The following MINDY4 variants were observed in gnomAD, a reference collection of about 807,000 sequenced individuals.
The protein encoded by MINDY4 is MINDY lysine 48 deubiquitinase 4.
In MINDY4, 68 loss-of-function variants were observed where a neutral mutation model predicts 87.0. The observed-to-expected ratio is 0.78, with a 90% CI of 0.64 to 0.96. The LOEUF (loss-of-function observed/expected upper bound fraction) is 0.96, where lower values mean the gene tolerates loss of function less well. Ranked by LOEUF, MINDY4 falls within the 40% of genes least tolerant of loss-of-function variation. MINDY4 has a pLI of 0.00. For synonymous variants in MINDY4, 379 were observed against 363.2 expected, an observed-to-expected ratio of 1.04 and a Z score of -0.50; for missense variants, 919 against 928.2, an observed-to-expected ratio of 0.99 and a Z score of 0.13.
At chr7:30,793,662 C>T (rs967760011) in intron 5 of MINDY4, among the ~76,000 whole-genome samples, 1 of 152,110 alleles carries the variant, frequency 6.6e-6, no homozygotes, top group Non-Finnish European at 1.5e-5. Context: ...CTCAAGCCAG[C>T]CTCCCATCGT....
chr7:30,817,646 C>T (rs992985847), intron 5 of MINDY4, among the ~76,000 whole-genome samples: 2 of 152,072 alleles, frequency 1.3e-5, no homozygotes, highest in African/African-American at 2.4e-5. Context: ...GTCTGAAAAG[C>T]GGAAGCCCGG....
At chr7:30,802,870 ACCAACCAT>A (rs1391595903) in intron 5 of MINDY4, among the ~76,000 whole-genome samples, 3 of 151,766 alleles carry the variant, frequency 2.0e-5, no homozygotes, top group Non-Finnish European at 4.4e-5. Flanking sequence ...AACCAACCCA[ACCAACCAT>A]CCAACCATCC....
intron 17 of MINDY4, among the ~76,000 whole-genome samples, chr7:30,883,580 G>A (rs915823201): frequency 9.9e-5 from 15 of 152,220 alleles, no homozygotes; most frequent in East Asian, 3.8e-4. Context: ...GGCCAGGGGA[G>A]GGGAATGTTC....
At chr7:30,835,185 T>C (rs1327885827) in intron 6 of MINDY4, among the ~76,000 whole-genome samples, 1 of 152,208 alleles carries the variant, frequency 6.6e-6, no homozygotes, top group East Asian at 1.9e-4. Flanking sequence ...AGAAAGTTTA[T>C]TGGACTTTAA....
intron 5 of MINDY4, among the ~76,000 whole-genome samples, chr7:30,825,442 A>G (rs897132770): frequency 2.6e-5 from 4 of 152,216 alleles, no homozygotes; most frequent in Non-Finnish European, 5.9e-5. Flanking sequence ...CATTCCCACC[A>G]TCTCAGCGGG....
intron 5 of MINDY4, among the ~76,000 whole-genome samples, chr7:30,824,748 A>AT (rs763393021): frequency 4.1e-4 from 62 of 152,176 alleles, no homozygotes; most frequent in Admixed American, 1.6e-3. Context: ...TAATTTATTT[A>AT]TTTTTTGTGG....
At chr7:30,784,131 A>G (rs1056043369) in intron 3 of MINDY4, among the ~76,000 whole-genome samples, 3 of 140,472 alleles carry the variant, frequency 2.1e-5, no homozygotes. Flanking sequence ...ACAAGGATTC[A>G]GAGGTGGAGG....
chr7:30,799,052 G>A (rs1787576004), intron 5 of MINDY4, among the ~76,000 whole-genome samples: 1 of 152,110 alleles, frequency 6.6e-6, no homozygotes, highest in African/African-American at 2.4e-5. Flanking sequence ...GTAAAAGCAA[G>A]TCCCCATCTT....
At chr7:30,820,561 G>A (rs1320778689) in intron 5 of MINDY4, among the ~76,000 whole-genome samples, 1 of 152,126 alleles carries the variant, frequency 6.6e-6, no homozygotes, top group Non-Finnish European at 1.5e-5. Flanking sequence ...CTACCGATCT[G>A]TGATATTTCA....
intron 5 of MINDY4, among the ~76,000 whole-genome samples, chr7:30,804,700 G>A (rs1787755385): frequency 6.6e-6 from 1 of 152,194 alleles, no homozygotes. Context: ...AATCCTGACA[G>A]CAACTTTACA....
At chr7:30,774,310 T>G (rs1786738005) in intron 1 of MINDY4, among the ~76,000 whole-genome samples, 1 of 152,218 alleles carries the variant, frequency 6.6e-6, no homozygotes, top group Non-Finnish European at 1.5e-5. Context: ...CTCTCTTTAG[T>G]GTTCTTGTGG....
chr7:30,829,390 G>A lies in MINDY4; in HGVS notation c.1132+653G>A, dbSNP rs143641582. 2.0e-4 allele frequency among the ~76,000 whole-genome samples: 31 copies of A among 152,358 alleles called. No individual in the cohort carries two copies. In the East Asian group the frequency reaches 3.7e-3, roughly 18 times the overall value. Reference sequence around the variant, plus strand: ...CGGATGTTGAGACCAAGGACTGGCCGTGAGAGGATGAGGCTTGAGTGCTGC... The same window carrying A: ...CGGATGTTGAGACCAAGGACTGGCCATGAGAGGATGAGGCTTGAGTGCTGC... On this transcript the variant is annotated intron_variant, in intron 6 of 17. Coordinates refer to ENST00000265299, the MANE Select transcript of MINDY4 (RefSeq NM_032222.3).
At chr7:30,854,252 G>A (rs868795904) in intron 12 of MINDY4, among the ~76,000 whole-genome samples, 1 of 152,204 alleles carries the variant, frequency 6.6e-6, no homozygotes, top group Non-Finnish European at 1.5e-5. Context: ...TTCCTCATTT[G>A]TAAAATGTGG....
At chr7:30,881,786 G>A (rs186272332) in intron 15 of MINDY4, among the ~76,000 whole-genome samples, 2 of 152,212 alleles carry the variant, frequency 1.3e-5, no homozygotes, top group Admixed American at 6.5e-5. Context: ...TTGTTTGAGG[G>A]GTGTGGGAAG....
chr7:30,803,775 G>A (rs7811843), intron 5 of MINDY4, among the ~76,000 whole-genome samples: 54,125 of 152,042 alleles, frequency 0.36, 10,002 homozygotes, highest in South Asian at 0.43. Context: ...CTTCCCCAGC[G>A]TGTTTTTCTA....
At chr7:30,828,887 C>G in intron 6 of MINDY4, 150 bp downstream of exon 6, 3 of 677,484 alleles carry the variant, frequency 4.4e-6, no homozygotes, top group East Asian at 2.5e-5. Flanking sequence ...AGACTACTCT[C>G]TCTCTGATTG....
intron 13 of MINDY4, among the ~76,000 whole-genome samples, chr7:30,868,400 C>T (rs1420664568): frequency 2.0e-5 from 3 of 152,252 alleles, no homozygotes; most frequent in Admixed American, 6.5e-5. Context: ...GTCTTACCCT[C>T]CTGGCCTTAC....
intron 9 of MINDY4, among the ~76,000 whole-genome samples, chr7:30,845,518 TAAAA>T (rs78323541): frequency 7.7e-6 from 1 of 129,914 alleles, no homozygotes. Context: ...TGATCCAGCT[TAAAA>T]AAAAAAAAAA....
At position 30,882,275 on chromosome 7, in the gene MINDY4, T is replaced by C; in HGVS notation, c.2066T>C (p.Leu689Pro). Residue 689 changes from leucine (L) to proline (P), a missense_variant, in exon 16 of 18, where the codon CTG becomes CCG. Transcript: ENST00000265299. Reference sequence around the variant, plus strand: ...CTCTTTAGCCTGCAGCCGGGGCTCCTGCGTGACTGGAGGACTGAGAGGCTC... The same window carrying C: ...CTCTTTAGCCTGCAGCCGGGGCTCCCGCGTGACTGGAGGACTGAGAGGCTC... ...SILFSLQPGL[L>P]RDWRTERLFD... The C allele has an allele frequency of 6.2e-7, 1 of 1,613,996 alleles. No homozygotes were observed. Among genetic ancestry groups the C allele is most frequent in the Non-Finnish European group, 8.5e-7 (1 of 1,179,892 alleles).
Sources: gnomAD v4.1 joint callset for allele counts (sites outside exome capture counted in the v4.1 genomes callset) on GRCh38, gnomAD v4.1.1 for gene constraint, MANE v1.5 for transcripts, NCBI Gene and HGNC (gene_info 2026-07-23, HGNC 2026-07-21) for gene names.